Variants in PGM5 observed in about 807,000 individuals in gnomAD.
PGM5 encodes the protein phosphoglucomutase-like protein 5.
A neutral mutation model predicts 59.2 loss-of-function variants in PGM5; 23 were observed. The ratio of observed to expected loss-of-function variants is 0.39; its 90% CI spans 0.28 to 0.55. The LOEUF is 0.55. Among genes scored for constraint, PGM5 ranks in the 20% least tolerant of loss-of-function variants. The pLI is 0.66. For synonymous variants in PGM5, 214 were observed against 286.0 expected, an observed-to-expected ratio of 0.75 and a Z score of 2.54; for missense variants, 574 against 748.3, an observed-to-expected ratio of 0.77 and a Z score of 2.72.
At chr9:68,435,229 A>T (rs1308804830) in intron 6 of PGM5, among the ~76,000 whole-genome samples, 2 of 152,150 alleles carry the variant, frequency 1.3e-5, no homozygotes, top group East Asian at 3.9e-4. Flanking sequence ...AATTTTCTGC[A>T]TGTGTTTAGT....
At chr9:68,481,469 T>C (rs1032335396) in intron 8 of PGM5, among the ~76,000 whole-genome samples, 1 of 152,228 alleles carries the variant, frequency 6.6e-6, no homozygotes, top group Non-Finnish European at 1.5e-5. Context: ...CAAGAGTTAA[T>C]TGGCACATGA....
intron 1 of PGM5, among the ~76,000 whole-genome samples, chr9:68,372,256 G>A (rs1457878864): frequency 7.3e-6 from 1 of 136,722 alleles, no homozygotes; most frequent in Non-Finnish European, 1.6e-5. Context: ...ACACTCTGTA[G>A]ATGCTCTAGG....
chr9:68,479,533 T>C lies in PGM5; in HGVS notation c.1275T>C (p.Phe425=). The change falls in exon 8 of 11, where the codon TTT becomes TTC. Residue 425 remains phenylalanine, a synonymous_variant. Transcript: ENST00000396396. ...EEIVRDHWAK[F]GRHYYCRFDY... is the part of the protein sequence containing the mutation. ...TTGTCCGAGATCACTGGGCCAAATT[T>C]GGCCGCCACTACTATTGCAGGTGAG... The C allele has an allele frequency of 6.2e-7, 1 of 1,614,050 alleles. No homozygotes were observed. Among genetic ancestry groups the C allele is most frequent in the Non-Finnish European group, 8.5e-7 (1 of 1,179,982 alleles).
At chr9:68,452,611 C>A (rs1823714121) in intron 6 of PGM5, among the ~76,000 whole-genome samples, 1 of 152,326 alleles carries the variant, frequency 6.6e-6, no homozygotes, top group South Asian at 2.1e-4. Context: ...TTCCTCTTCC[C>A]CTACCACATC....
intron 6 of PGM5, chr9:68,429,300 T>C (rs1303429480): frequency 1.3e-5 from 2 of 152,178 alleles, no homozygotes; most frequent in Non-Finnish European, 2.9e-5. Flanking sequence ...ATCTGATATA[T>C]GCCTACCGTG....
intron 3 of PGM5, among the ~76,000 whole-genome samples, chr9:68,386,636 T>C (rs1822227733): frequency 6.6e-6 from 1 of 152,064 alleles, no homozygotes; most frequent in South Asian, 2.1e-4. Context: ...TACGTAAGTT[T>C]CAAAATTTAG....
In PGM5 at chr9:68,465,127, A is replaced by G. The variant is rs1554685696; in HGVS notation, c.1078A>G (p.Thr360Ala). 6.2e-7 allele frequency: 1 copy of G among 1,612,810 alleles called. No individual in the cohort carries two copies. Among genetic ancestry groups the G allele is most frequent in the Admixed American group, 1.7e-5 (1 of 59,978 alleles). ...AKSMKVPVYE[T>A]PAGWRFFSNL... Reference sequence around the variant, plus strand: ...ATCAATGAAGGTCCCTGTATATGAGACCCCAGCTGGATGGAGATTCTTCTC... The same window carrying G: ...ATCAATGAAGGTCCCTGTATATGAGGCCCCAGCTGGATGGAGATTCTTCTC... The change falls in exon 7 of 11, where the codon ACC (threonine) becomes GCC (alanine). Residue 360 changes from threonine (T) to alanine (A), a missense_variant. Physicochemically the swap from Thr to Ala is moderately conservative, Grantham distance 58. Transcript: ENST00000396396.
At chr9:68,418,312 A>C (rs1823070297) in intron 6 of PGM5, among the ~76,000 whole-genome samples, 3 of 152,160 alleles carry the variant, frequency 2.0e-5, no homozygotes, top group Admixed American at 6.5e-5. Context: ...TCTGGGAATT[A>C]GCCCCATGGG....
intron 6 of PGM5, among the ~76,000 whole-genome samples, chr9:68,418,045 T>C (rs184368137): frequency 6.6e-6 from 1 of 152,350 alleles, no homozygotes; most frequent in Non-Finnish European, 1.5e-5. Flanking sequence ...TGTTTTGCTG[T>C]TTCTCCCCTG....
chr9:68,465,249 C>A, intron 7 of PGM5, 41 bp downstream of exon 7: 2 of 1,308,966 alleles, frequency 1.5e-6, no homozygotes, highest in Admixed American at 1.7e-5. Flanking sequence ...AGGGCGGCTG[C>A]AGCCTTTTGT....
At chr9:68,371,269 C>A (rs1197486495) in intron 1 of PGM5, among the ~76,000 whole-genome samples, 1 of 152,204 alleles carries the variant, frequency 6.6e-6, no homozygotes, top group Non-Finnish European at 1.5e-5. Flanking sequence ...CCTCCCTGGG[C>A]TGTGGCCTGG....
chr9:68,503,535 A>T (rs1370457344), intron 10 of PGM5, among the ~76,000 whole-genome samples: 6 of 152,226 alleles, frequency 3.9e-5, no homozygotes, highest in African/African-American at 1.4e-4. Flanking sequence ...AAAGTTGGGG[A>T]TCTGTACTTT....
At chr9:68,395,837 G>A (rs1327652685) in intron 6 of PGM5, 5 of 151,982 alleles carry the variant, frequency 3.3e-5, no homozygotes, top group Non-Finnish European at 4.4e-5. Context: ...TCTCCCTGAG[G>A]TGATATGGAC....
intron 10 of PGM5, among the ~76,000 whole-genome samples, chr9:68,505,856 G>A (rs1015005267): frequency 1.3e-5 from 2 of 152,140 alleles, no homozygotes; most frequent in Non-Finnish European, 2.9e-5. Context: ...TATAGGTCAC[G>A]GGGTGGGGCT....
intron 6 of PGM5, among the ~76,000 whole-genome samples, chr9:68,403,237 G>T (rs1822714457): frequency 6.6e-6 from 1 of 151,762 alleles, no homozygotes; most frequent in Non-Finnish European, 1.5e-5. Flanking sequence ...CATGCTCCTT[G>T]CGAGAATCTA....
intron 7 of PGM5, among the ~76,000 whole-genome samples, chr9:68,478,378 C>T (rs1554686844): frequency 6.6e-6 from 1 of 152,186 alleles, no homozygotes; most frequent in African/African-American, 2.4e-5. Context: ...ATACGTCATC[C>T]CCAGATCTTG....
At chr9:68,433,475 T>C (rs1239402668) in intron 6 of PGM5, among the ~76,000 whole-genome samples, 2 of 152,258 alleles carry the variant, frequency 1.3e-5, no homozygotes, top group African/African-American at 2.4e-5. Context: ...ACAAATCCAT[T>C]AACCTCCTAT....
intron 10 of PGM5, among the ~76,000 whole-genome samples, chr9:68,503,342 T>C (rs1307479290): frequency 1.3e-5 from 2 of 152,188 alleles, no homozygotes; most frequent in African/African-American, 4.8e-5. Flanking sequence ...TACATTAACC[T>C]ATGGTTGGGG....
At chr9:68,496,920 G>A (rs1424480238) in intron 9 of PGM5, 1 of 152,230 alleles carries the variant, frequency 6.6e-6, no homozygotes, top group Non-Finnish European at 1.5e-5. Context: ...CTTAGATATT[G>A]CTTTAACCAA....
Sources: gnomAD v4.1 joint callset for allele counts (sites outside exome capture counted in the v4.1 genomes callset) on GRCh38, gnomAD v4.1.1 for gene constraint, MANE v1.5 for transcripts, NCBI Gene and HGNC (gene_info 2026-07-23, HGNC 2026-07-21) for gene names.